The following ADGRB3 variants were observed in gnomAD, a reference collection of about 807,000 sequenced individuals.
The protein encoded by ADGRB3 is adhesion G protein-coupled receptor B3, also known as brain-specific angiogenesis inhibitor 3.
A neutral mutation model predicts 193.4 loss-of-function variants in ADGRB3; 37 were observed. The observed-to-expected ratio is 0.19, with a 90% CI of 0.15 to 0.25. ADGRB3 has a LOEUF of 0.25. Among genes scored for constraint, ADGRB3 ranks in the 10% least tolerant of loss-of-function variants. The probability of loss-of-function intolerance (pLI) is 1.00; values close to 1 mark genes in which losing one functional copy is unlikely to be tolerated. For synonymous variants in ADGRB3, 690 were observed against 644.2 expected, an observed-to-expected ratio of 1.07 and a Z score of -1.08; for missense variants, 1,637 against 1,852.9, an observed-to-expected ratio of 0.88 and a Z score of 2.14.
rs564786189 is a variant in ADGRB3, at chr6:69,267,064, A to G, written c.2814+27838A>G. On this transcript the variant is annotated intron_variant, in intron 20 of 31. Transcript: ENST00000370598. ...TTTTATTAGGCATACAAGCGTAAGA[A>G]CCCTCTCTTAATAGCTTTCCCCAAC... Among the ~76,000 whole-genome samples, 20 of 151,658 alleles carry G rather than the reference A, an allele frequency of 1.3e-4. 1 individual carries two copies. Among genetic ancestry groups the G allele is most frequent in the South Asian group, 1.3e-3 (6 of 4,796 alleles).
intron 3 of ADGRB3, among the ~76,000 whole-genome samples, chr6:68,772,897 ATAT>A (rs1562023412): frequency 2.4e-3 from 30 of 12,334 alleles, no homozygotes; most frequent in South Asian, 4.4e-3. Context: ...AAAAAAAAAT[ATAT>A]ATATATATAT....
At chr6:68,938,135 G>T (rs902162938) in intron 5 of ADGRB3, among the ~76,000 whole-genome samples, 2 of 151,932 alleles carry the variant, frequency 1.3e-5, no homozygotes, top group East Asian at 3.9e-4. Flanking sequence ...CTGGCAAAGA[G>T]TAATAATTGC....
chr6:68,793,860 T>A (rs952336146), intron 3 of ADGRB3, among the ~76,000 whole-genome samples: 10 of 152,162 alleles, frequency 6.6e-5, no homozygotes, highest in Non-Finnish European at 1.5e-4. Context: ...GATAAAATTA[T>A]CACCCCATTT....
rs529358439 is a variant in ADGRB3, at chr6:68,942,728, A to G, written c.1031-1102A>G. Among the ~76,000 whole-genome samples, 83 of 152,144 alleles carry G rather than the reference A, an allele frequency of 5.5e-4. 1 individual carries two copies. Among genetic ancestry groups the G allele is most frequent in the African/African-American group, 1.7e-3 (71 of 41,504 alleles). Reference sequence around the variant, plus strand: ...CAGATTCAAGGGATTCTCCTGCCTCAGCCTCCTGAGCATCTGGGACTACAG... The same window carrying G: ...CAGATTCAAGGGATTCTCCTGCCTCGGCCTCCTGAGCATCTGGGACTACAG... On this transcript the variant is annotated intron_variant, in intron 5 of 31. Transcript: ENST00000370598.
At chr6:69,172,414 C>T (rs563462568) in intron 17 of ADGRB3, among the ~76,000 whole-genome samples, 9 of 151,464 alleles carry the variant, frequency 5.9e-5, no homozygotes, top group East Asian at 2.0e-4. Context: ...GAGGCCGAGG[C>T]GGGTGGATCA....
At chr6:68,829,079 C>A (rs1767902553) in intron 3 of ADGRB3, among the ~76,000 whole-genome samples, 1 of 138,588 alleles carries the variant, frequency 7.2e-6, no homozygotes. Context: ...TTTTTAATAG[C>A]TGTTTAAGTA....
intron 13 of ADGRB3, among the ~76,000 whole-genome samples, chr6:69,033,931 GA>G (rs1391649696): frequency 6.6e-6 from 1 of 152,058 alleles, no homozygotes; most frequent in East Asian, 1.9e-4. Context: ...CTACAAAGTA[GA>G]AGCGAACTGT....
chr6:68,902,829 T>A (rs1233493345), intron 3 of ADGRB3, among the ~76,000 whole-genome samples: 1 of 152,156 alleles, frequency 6.6e-6, no homozygotes, highest in Admixed American at 6.5e-5. Context: ...GACTAGACAC[T>A]GATTAAAAGT....
chr6:69,177,759 G>C (rs1462441822), intron 17 of ADGRB3, among the ~76,000 whole-genome samples: 1 of 152,102 alleles, frequency 6.6e-6, no homozygotes, highest in African/African-American at 2.4e-5. Context: ...ATAACTTCTT[G>C]GTATTGGTTT....
rs1460019622 is a variant in ADGRB3, at chr6:69,018,510, G to A, written c.2107+11G>A. ...TGACTGGAAATGTAGGTAAGAAATAGGATTTTCCCCCAAAATCTTTCTGAA... is the reference window on the plus strand; with the variant it reads ...TGACTGGAAATGTAGGTAAGAAATAAGATTTTCCCCCAAAATCTTTCTGAA... On this transcript the variant is annotated intron_variant, in intron 13 of 31. Coordinates refer to ENST00000370598, the MANE Select transcript of ADGRB3 (RefSeq NM_001704.3). 3 of 1,559,824 alleles carry A rather than the reference G, an allele frequency of 1.9e-6. No homozygotes were observed. The South Asian group carries it at 3.4e-5, about 18-fold the overall frequency.
chr6:68,804,727 T>C (rs1767372177), intron 3 of ADGRB3, among the ~76,000 whole-genome samples: 2 of 152,092 alleles, frequency 1.3e-5, no homozygotes, highest in Non-Finnish European at 1.5e-5. Context: ...AGGAGAAAAA[T>C]GTAGACTTTT....
chr6:68,784,175 A>G (rs1013329209), intron 3 of ADGRB3, among the ~76,000 whole-genome samples: 1 of 152,102 alleles, frequency 6.6e-6, no homozygotes, highest in Non-Finnish European at 1.5e-5. Flanking sequence ...TTAGTAGCAT[A>G]GCTGTTTTTT....
At chr6:69,098,433 A>G (rs1477898341) in intron 17 of ADGRB3, among the ~76,000 whole-genome samples, 1 of 152,222 alleles carries the variant, frequency 6.6e-6, no homozygotes, top group Non-Finnish European at 1.5e-5. Flanking sequence ...TTACTCTACT[A>G]TAAAGAACTA....
At chr6:68,756,984 T>C (rs1189474113) in intron 3 of ADGRB3, among the ~76,000 whole-genome samples, 3 of 152,150 alleles carry the variant, frequency 2.0e-5, no homozygotes, top group African/African-American at 7.2e-5. Context: ...TAAATAGTGG[T>C]TACATGTCTT....
At chr6:69,294,259 T>C (rs928389813) in intron 20 of ADGRB3, among the ~76,000 whole-genome samples, 6 of 152,186 alleles carry the variant, frequency 3.9e-5, no homozygotes, top group African/African-American at 1.4e-4. Flanking sequence ...GAGAATAAGC[T>C]CTATTACAAA....
At chr6:68,836,116 C>T (rs995393273) in intron 3 of ADGRB3, among the ~76,000 whole-genome samples, 8 of 152,070 alleles carry the variant, frequency 5.3e-5, no homozygotes, top group Non-Finnish European at 1.2e-4. Flanking sequence ...GACTTTTGCT[C>T]TTCCATGTGG....
Position 69,232,697 on chromosome 6 carries a change from T to C in ADGRB3, c.2481-593T>C, listed in dbSNP as rs1032772440. On this transcript the variant is annotated intron_variant, in intron 17 of 31. Transcript: ENST00000370598. ...GAGAGTCGGAACCAGCTGATGCCGC[T>C]GCTGCTGCTTCCCGTTTCCAGGGTG... The C allele has an allele frequency of 4.5e-6, 6 of 1,331,510 alleles. No homozygotes were observed. In the South Asian group the frequency reaches 5.2e-5, roughly 12 times the overall value. 82.5% of individuals were successfully genotyped at this position (1,331,510 alleles called of 1,614,324 possible). A position where few individuals can be genotyped will look rare whatever the true frequency, so the allele number is the denominator to read the frequency against.
At chr6:68,811,528 G>T (rs1767512521) in intron 3 of ADGRB3, among the ~76,000 whole-genome samples, 1 of 151,896 alleles carries the variant, frequency 6.6e-6, no homozygotes, top group Non-Finnish European at 1.5e-5. Flanking sequence ...GAGTGCGGTG[G>T]GATGATCTCG....
At chr6:69,217,641 G>T (rs577756407) in intron 17 of ADGRB3, among the ~76,000 whole-genome samples, 1 of 152,190 alleles carries the variant, frequency 6.6e-6, no homozygotes, top group Non-Finnish European at 1.5e-5. Context: ...CTCAACTCTG[G>T]TTGGGCAGGG....
Sources: gnomAD v4.1 joint callset for allele counts (sites outside exome capture counted in the v4.1 genomes callset) on GRCh38, gnomAD v4.1.1 for gene constraint, MANE v1.5 for transcripts, NCBI Gene and HGNC (gene_info 2026-07-23, HGNC 2026-07-21) for gene names.